GOSR1: variants seen among roughly 807,000 people sequenced by gnomAD.
The protein encoded by GOSR1 is golgi SNAP receptor complex member 1, also known as 28 kDa Golgi SNARE protein.
In GOSR1, 21 loss-of-function variants were observed where a neutral mutation model predicts 35.5. That is an observed-to-expected ratio of 0.59 (90% CI 0.42 to 0.85). The LOEUF is 0.85. Ranked by LOEUF, GOSR1 falls within the 40% of genes least tolerant of loss-of-function variation. The probability of loss-of-function intolerance (pLI) is 0.00; values close to 1 mark genes in which losing one functional copy is unlikely to be tolerated. For synonymous variants in GOSR1, 94 were observed against 106.6 expected (o/e 0.88, Z 0.73); for missense variants, 285 against 309.6 (o/e 0.92, Z 0.60).
In GOSR1 at chr17:30,524,590, A is replaced by G. The variant is rs977489911; in HGVS notation, c.*2212A>G. ...ATATTTTCTACTGAAAAGAAATGAA[A>G]TCTCAGTTCCACTATGATAAAAGAA... is the stretch of plus-strand genomic sequence containing the variant. On this transcript the variant is annotated 3_prime_UTR_variant, in exon 9 of 9. Transcript: ENST00000451249. 6.6e-6 allele frequency: 1 copy of G among 152,100 alleles called. No individual in the cohort carries two copies. Among genetic ancestry groups the G allele is most frequent in the East Asian group, 1.9e-4 (1 of 5,200 alleles). 9.4% of individuals were successfully genotyped at this position (152,100 alleles called of 1,614,324 possible).
chr17:30,499,670 A>G (rs1209461924), intron 6 of GOSR1, among the ~76,000 whole-genome samples: 1 of 152,094 alleles, frequency 6.6e-6, no homozygotes, highest in African/African-American at 2.4e-5. Context: ...AAATACTTGG[A>G]GTTGTATTGT....
At chr17:30,478,676 C>T (rs1053339417) in intron 1 of GOSR1, 2 of 151,562 alleles carry the variant, frequency 1.3e-5, no homozygotes, top group Non-Finnish European at 2.9e-5. Flanking sequence ...CCTGTCTCAG[C>T]CTCCTTAGTA....
chr17:30,517,626 A>T (rs965723014), intron 7 of GOSR1, among the ~76,000 whole-genome samples: 112 of 147,596 alleles, frequency 7.6e-4, no homozygotes, highest in African/African-American at 2.7e-3. Flanking sequence ...GTTGTTGTTC[A>T]TTTTTTACTA....
Position 30,522,529 on chromosome 17 carries a change from C to T in GOSR1, c.*151C>T, listed in dbSNP as rs1235148838. 2.0e-6 allele frequency: 1 copy of T among 500,386 alleles called. No individual in the cohort carries two copies. Among genetic ancestry groups the T allele is most frequent in the Non-Finnish European group, 3.4e-6 (1 of 291,760 alleles). The allele number at this position is 500,386 out of a possible 1,614,324, so 31.0% of individuals were successfully genotyped here. Reference sequence around the variant, plus strand: ...ACAGTGATGGACTCTGTGACATGGTCAGGTTGAGCTGAAGCCACAGTTTCT... The same window carrying T: ...ACAGTGATGGACTCTGTGACATGGTTAGGTTGAGCTGAAGCCACAGTTTCT... On this transcript the variant is annotated 3_prime_UTR_variant, in exon 9 of 9. Transcript: ENST00000451249.
intron 6 of GOSR1, among the ~76,000 whole-genome samples, chr17:30,494,192 A>AACACACACACACACACAC (rs143873080): frequency 7.6e-4 from 115 of 150,518 alleles, no homozygotes; most frequent in African/African-American, 2.8e-3. Flanking sequence ...GCCATACTTA[A>AACACACACACACACACAC]ACACACACAC....
In GOSR1 at chr17:30,519,793, G is replaced by A. The variant is rs1597801358; in HGVS notation, c.540-146G>A. On this transcript the variant is annotated intron_variant, in intron 7 of 8. Transcript: ENST00000451249. ...AAAAGCGCAGTGGTAAAGTGGCTTC[G>A]GAAGTGATTTTTTCCCCTTATTTTC... 4.2e-5 allele frequency: 25 copies of A among 593,916 alleles called. No homozygotes were observed. The East Asian group carries it at 4.6e-4, about 11-fold the overall frequency. The allele number at this position is 593,916 out of a possible 1,614,324, so 36.8% of individuals were successfully genotyped here.
chr17:30,503,386 T>G (rs1967285290), intron 6 of GOSR1, among the ~76,000 whole-genome samples: 1 of 152,240 alleles, frequency 6.6e-6, no homozygotes, highest in African/African-American at 2.4e-5. Context: ...AAATTGGTCT[T>G]GAGACAAATG....
intron 2 of GOSR1, among the ~76,000 whole-genome samples, chr17:30,483,474 C>CT (rs1019237130): frequency 6.6e-6 from 1 of 152,072 alleles, no homozygotes; most frequent in Non-Finnish European, 1.5e-5. Flanking sequence ...GCATATTGTT[C>CT]TTTTTCATAT....
chr17:30,522,523 C>T lies in GOSR1; in HGVS notation c.*145C>T. 7.5e-6 allele frequency: 4 copies of T among 531,666 alleles called. No homozygotes were observed. Among genetic ancestry groups the T allele is most frequent in the Middle Eastern group, 5.6e-4 (1 of 1,788 alleles). 32.9% of individuals were successfully genotyped at this position (531,666 alleles called of 1,614,324 possible). On this transcript the variant is annotated 3_prime_UTR_variant, in exon 9 of 9. Transcript: ENST00000451249. The stretch of plus-strand genomic sequence containing the variant: ...AGACTGACAGTGATGGACTCTGTGA[C>T]ATGGTCAGGTTGAGCTGAAGCCACA...
chr17:30,503,908 G>A (rs1425754103), intron 6 of GOSR1, among the ~76,000 whole-genome samples: 1 of 152,106 alleles, frequency 6.6e-6, no homozygotes, highest in Admixed American at 6.5e-5. Context: ...GATATTTTAG[G>A]ACTTAATAAA....
intron 7 of GOSR1, among the ~76,000 whole-genome samples, chr17:30,511,175 C>CA (rs1161157466): frequency 1.3e-5 from 2 of 152,142 alleles, no homozygotes; most frequent in African/African-American, 2.4e-5. Context: ...TTAATATTTT[C>CA]AATCTCAGTC....
chr17:30,504,595 G>A (rs546749845), intron 6 of GOSR1, among the ~76,000 whole-genome samples: 3 of 152,300 alleles, frequency 2.0e-5, no homozygotes, highest in African/African-American at 7.2e-5. Context: ...TTCATTACAT[G>A]TAAAATGTGA....
intron 7 of GOSR1, among the ~76,000 whole-genome samples, chr17:30,513,698 C>G (rs1254039344): frequency 6.6e-6 from 1 of 152,178 alleles, no homozygotes; most frequent in African/African-American, 2.4e-5. Context: ...CACCTATGAT[C>G]CTAACACTTT....
intron 7 of GOSR1, among the ~76,000 whole-genome samples, chr17:30,515,454 G>A (rs1967769510): frequency 6.6e-6 from 1 of 152,100 alleles, no homozygotes; most frequent in African/African-American, 2.4e-5. Context: ...CTGTTTCACT[G>A]GGGACTTCAA....
intron 5 of GOSR1, among the ~76,000 whole-genome samples, chr17:30,491,412 A>G (rs1915035119): frequency 6.6e-6 from 1 of 152,164 alleles, no homozygotes; most frequent in Non-Finnish European, 1.5e-5. Flanking sequence ...TAATCCCAGC[A>G]CTTTGGGAGG....
chr17:30,494,123 T>G (rs1966902887), intron 6 of GOSR1, among the ~76,000 whole-genome samples: 2 of 152,070 alleles, frequency 1.3e-5, no homozygotes, highest in African/African-American at 4.8e-5. Flanking sequence ...ATTTTTTACT[T>G]GCTCCAAAAG....
intron 7 of GOSR1, among the ~76,000 whole-genome samples, chr17:30,513,223 A>C (rs1967675415): frequency 6.6e-6 from 1 of 152,220 alleles, no homozygotes. Context: ...TAGCATTTTT[A>C]ACATTTATAA....
At chr17:30,497,744 C>T (rs1967050883) in intron 6 of GOSR1, among the ~76,000 whole-genome samples, 1 of 152,200 alleles carries the variant, frequency 6.6e-6, no homozygotes. Flanking sequence ...TGAATGTCAC[C>T]TGACCCTGAT....
intron 6 of GOSR1, among the ~76,000 whole-genome samples, chr17:30,510,078 G>A (rs1027662625): frequency 2.6e-5 from 4 of 152,116 alleles, no homozygotes; most frequent in African/African-American, 9.7e-5. Context: ...TTATTTGTTT[G>A]GAGTTTTTTT....
Sources: allele counts gnomAD v4.1 joint callset (sites outside exome capture counted in the v4.1 genomes callset), GRCh38; gene constraint gnomAD v4.1.1; transcripts MANE v1.5; gene names NCBI Gene and HGNC (gene_info 2026-07-23, HGNC 2026-07-21).